FEM1B: variants seen among roughly 807,000 people sequenced by gnomAD.
The protein encoded by FEM1B is protein fem-1 homolog B.
In FEM1B, 10 loss-of-function variants were observed where a neutral mutation model predicts 38.6. That is an observed-to-expected ratio of 0.26 (90% CI 0.16 to 0.44). The LOEUF is 0.44. Ranked by LOEUF, FEM1B falls within the 20% of genes least tolerant of loss-of-function variation. FEM1B has a pLI of 1.00. For synonymous variants in FEM1B, 288 were observed against 288.0 expected, an observed-to-expected ratio of 1.00 and a Z score of 0.00; for missense variants, 471 against 786.7, an observed-to-expected ratio of 0.60 and a Z score of 4.80.
In FEM1B at chr15:68,291,836, T is replaced by TA. The variant is rs1892850773; in HGVS notation, c.*595dup. ...GAAAATGTGCTAATTTAATAATAGT[T>TA]ACAAATTTATAAATTTAAATCCATT... On this transcript the variant is annotated 3_prime_UTR_variant, in exon 2 of 2. Coordinates refer to ENST00000306917, the MANE Select transcript of FEM1B (RefSeq NM_015322.5). This position sits in a 1 kb window ranked among gnomAD's most constrained non-coding sequence, Gnocchi z 6.9. 6.6e-6 allele frequency: 1 copy of TA among 152,282 alleles called. No homozygotes were observed. The highest frequency in any genetic ancestry group is 1.5e-5 in the Non-Finnish European group (1 of 68,068). 9.4% of individuals were successfully genotyped at this position (152,282 alleles called of 1,614,324 possible). A position where few individuals can be genotyped will look rare whatever the true frequency, so the allele number is the denominator to read the frequency against.
Position 68,291,432 on chromosome 15 carries a change from A to G in FEM1B, c.*190A>G. The stretch of plus-strand genomic sequence containing the variant: ...TTGATTTCAGACAGACTTTAACAAA[A>G]CCACATTGTTTTGGTGTAACTATAA... On this transcript the variant is annotated 3_prime_UTR_variant, in exon 2 of 2. Coordinates refer to ENST00000306917, the MANE Select transcript of FEM1B (RefSeq NM_015322.5). This position sits in a 1 kb window ranked among gnomAD's most constrained non-coding sequence, Gnocchi z 6.9. 1.9e-6 allele frequency: 1 copy of G among 529,578 alleles called. No homozygotes were observed. The highest frequency in any genetic ancestry group is 3.1e-5 in the South Asian group (1 of 31,750). 32.8% of individuals were successfully genotyped at this position (529,578 alleles called of 1,614,324 possible). A position where few individuals can be genotyped will look rare whatever the true frequency, so the allele number is the denominator to read the frequency against.
chr15:68,283,502 TAAAAA>T (rs60432847), intron 1 of FEM1B, among the ~76,000 whole-genome samples: 6 of 71,966 alleles, frequency 8.3e-5, no homozygotes, highest in South Asian at 5.7e-4. Flanking sequence ...CATCTCTACC[TAAAAA>T]AAAAAAAAAA....
chr15:68,279,044 C>A (rs912891627), intron 1 of FEM1B, among the ~76,000 whole-genome samples: 9 of 152,110 alleles, frequency 5.9e-5, no homozygotes, highest in African/African-American at 2.2e-4. Flanking sequence ...AGGAGGTCAG[C>A]GGTTAACATT....
chr15:68,278,800 C>A lies in FEM1B; in HGVS notation c.248+135C>A, dbSNP rs561877693. On this transcript the variant is annotated intron_variant, in intron 1 of 1. Coordinates refer to ENST00000306917, the MANE Select transcript of FEM1B (RefSeq NM_015322.5). The surrounding 1 kb of genome is among the most constrained non-coding windows in gnomAD (Gnocchi z 5.7). ...TCCCCTTTTTGTACCACCTCCTGCC[C>A]CACTAATGCCCACTTCATCTTCCAG... 5.0e-5 allele frequency: 46 copies of A among 926,052 alleles called. No homozygotes were observed. The highest frequency in any genetic ancestry group is 7.3e-5 in the Non-Finnish European group (45 of 612,462). The allele number at this position is 926,052 out of a possible 1,614,324, so 57.4% of individuals were successfully genotyped here.
rs1287519729 is a variant in FEM1B, at chr15:68,278,954, G to C, written c.248+289G>C. ...TCGTCTTCTCTACTAGATAGTCTGT[G>C]AACAAGCCATTTGGAGGAGGTGGCT... On this transcript the variant is annotated intron_variant, in intron 1 of 1. Coordinates refer to ENST00000306917, the MANE Select transcript of FEM1B (RefSeq NM_015322.5). This position sits in a 1 kb window ranked among gnomAD's most constrained non-coding sequence, Gnocchi z 5.7. 1.3e-5 allele frequency among the ~76,000 whole-genome samples: 2 copies of C among 152,114 alleles called. No homozygotes were observed. Among genetic ancestry groups the C allele is most frequent in the African/African-American group, 4.8e-5 (2 of 41,390 alleles).
chr15:68,289,570 C>T lies in FEM1B; in HGVS notation c.249-37C>T, dbSNP rs1892824856. On this transcript the variant is annotated intron_variant, in intron 1 of 1. Coordinates refer to ENST00000306917, the MANE Select transcript of FEM1B (RefSeq NM_015322.5). This position sits in a 1 kb window ranked among gnomAD's most constrained non-coding sequence, Gnocchi z 6.9. ...CCCTTAAACATATGTTAGGCTGTGG[C>T]CTCTGTTATCTAACTGCTTATTCTT... 1 of 1,515,744 alleles carries T rather than the reference C, an allele frequency of 6.6e-7. No homozygotes were observed. Among genetic ancestry groups the T allele is most frequent in the Non-Finnish European group, 9.1e-7 (1 of 1,095,504 alleles). 93.9% of individuals were successfully genotyped at this position (1,515,744 alleles called of 1,614,324 possible). A position where few individuals can be genotyped will look rare whatever the true frequency, so the allele number is the denominator to read the frequency against.
Position 68,277,826 on chromosome 15 carries a change from T to C in FEM1B, c.-592T>C, listed in dbSNP as rs1892672902. ...GCCGCTCTTGCGGGAGCGTTCCGCA[T>C]CGCCCCGGGGGCCCCTACGCGAGGA... On this transcript the variant is annotated 5_prime_UTR_variant, in exon 1 of 2. Transcript: ENST00000306917. 1 of 152,296 alleles carries C rather than the reference T, an allele frequency of 6.6e-6. No homozygotes were observed. Among genetic ancestry groups the C allele is most frequent in the African/African-American group, 2.4e-5 (1 of 41,468 alleles). 9.4% of individuals were successfully genotyped at this position (152,296 alleles called of 1,614,324 possible). A position where few individuals can be genotyped will look rare whatever the true frequency, so the allele number is the denominator to read the frequency against.
At chr15:68,286,120 A>G (rs1361751836) in intron 1 of FEM1B, among the ~76,000 whole-genome samples, 1 of 151,948 alleles carries the variant, frequency 6.6e-6, no homozygotes, top group Non-Finnish European at 1.5e-5. Context: ...TTGTTGCTCC[A>G]TAACTATTTA....
Position 68,295,485 on chromosome 15 carries a change from G to A in FEM1B, c.*4243G>A, listed in dbSNP as rs1202200693. The A allele has an allele frequency of 6.6e-6, 1 of 152,178 alleles. No homozygotes were observed. Among genetic ancestry groups the A allele is most frequent in the African/African-American group, 2.4e-5 (1 of 41,426 alleles). The allele number at this position is 152,178 out of a possible 1,614,324, so 9.4% of individuals were successfully genotyped here. ...CTTTTCAAAGGTACACAGTTGGGGA[G>A]TAAAATCTGACTGGCCTAATCGATG... is the stretch of plus-strand genomic sequence containing the variant. On this transcript the variant is annotated 3_prime_UTR_variant, in exon 2 of 2. Transcript: ENST00000306917.
rs1045883425 is a variant in FEM1B, at chr15:68,289,795, A to G, written c.437A>G (p.Asn146Ser). The change falls in exon 2 of 2, where the codon AAC becomes AGC. Residue 146 changes from asparagine (N) to serine (S), a missense_variant. Physicochemically the swap from Asn to Ser is conservative, Grantham distance 46. Around this residue, in one of 3 missense-constraint regions of FEM1B, gnomAD observed 380 missense variants for 599.6 expected, o/e 0.63. Transcript: ENST00000306917. The surrounding 1 kb of genome is among the most constrained non-coding windows in gnomAD (Gnocchi z 6.9). Reference protein sequence around the residue: ...IVKYLVENNANISIANKYDNT... With the variant: ...IVKYLVENNASISIANKYDNT... The stretch of plus-strand genomic sequence containing the variant: ...AAATACTTGGTTGAAAATAATGCCA[A>G]CATCAGCATTGCCAACAAATATGAC... 1 of 1,614,118 alleles carries G rather than the reference A, an allele frequency of 6.2e-7. No individual in the cohort carries two copies. Among genetic ancestry groups the G allele is most frequent in the African/African-American group, 1.3e-5 (1 of 74,948 alleles).
rs1190184107 is a variant in FEM1B at position 68,294,368 on chromosome 15, T to C, written c.*3126T>C. ...GAAGGGTTTTATTTCATTATACTAA[T>C]AGTGGACTAATAATTGGTAATTGTG... On this transcript the variant is annotated 3_prime_UTR_variant, in exon 2 of 2. Coordinates refer to ENST00000306917, the MANE Select transcript of FEM1B (RefSeq NM_015322.5). This position sits in a 1 kb window ranked among gnomAD's most constrained non-coding sequence, Gnocchi z 4.4. The C allele has an allele frequency of 6.6e-6, 1 of 152,174 alleles. No homozygotes were observed. Among genetic ancestry groups the C allele is most frequent in the East Asian group, 1.9e-4 (1 of 5,202 alleles). The allele number at this position is 152,174 out of a possible 1,614,324, so 9.4% of individuals were successfully genotyped here.
rs917719524 is a variant in FEM1B, at chr15:68,280,105, G to A, written c.248+1440G>A. On this transcript the variant is annotated intron_variant, in intron 1 of 1. Transcript: ENST00000306917. This position sits in a 1 kb window ranked among gnomAD's most constrained non-coding sequence, Gnocchi z 4.2. Reference sequence around the variant, plus strand: ...ACTGCTGCTGAGGCAATGTGCATAAGGGAGAATAGTGGGGAGAAAAAAGAG... The same window carrying A: ...ACTGCTGCTGAGGCAATGTGCATAAAGGAGAATAGTGGGGAGAAAAAAGAG... 1 of 152,228 alleles carries A rather than the reference G, an allele frequency of 6.6e-6. No homozygotes were observed. Among genetic ancestry groups the A allele is most frequent in the Non-Finnish European group, 1.5e-5 (1 of 68,046 alleles). 9.4% of individuals were successfully genotyped at this position (152,228 alleles called of 1,614,324 possible). A position where few individuals can be genotyped will look rare whatever the true frequency, so the allele number is the denominator to read the frequency against.
At chr15:68,282,559 T>C (rs1382935740) in intron 1 of FEM1B, among the ~76,000 whole-genome samples, 1 of 152,180 alleles carries the variant, frequency 6.6e-6, no homozygotes, top group Non-Finnish European at 1.5e-5. Flanking sequence ...TTATCTCTTA[T>C]TGTGAAAAGT....
Position 68,289,254 on chromosome 15 carries a change from T to C in FEM1B, c.249-353T>C, listed in dbSNP as rs1039060072. 1 of 207,714 alleles carries C rather than the reference T, an allele frequency of 4.8e-6. No homozygotes were observed. 12.9% of individuals were successfully genotyped at this position (207,714 alleles called of 1,614,324 possible). ...GGGAAGGAGGAACATGCTGTTCTCC[T>C]AGTAACCAGTGAATCAACTTGGTGA... On this transcript the variant is annotated intron_variant, in intron 1 of 1. Transcript: ENST00000306917. The surrounding 1 kb of genome is among the most constrained non-coding windows in gnomAD (Gnocchi z 6.9).
At chr15:68,279,227 T>C (rs1165300360) in intron 1 of FEM1B, among the ~76,000 whole-genome samples, 1 of 152,196 alleles carries the variant, frequency 6.6e-6, no homozygotes, top group African/African-American at 2.4e-5. Context: ...AAGACATGAT[T>C]CTGATTCCTC....
In FEM1B at chr15:68,278,728, C is replaced by T; in HGVS notation, c.248+63C>T. 6.3e-7 allele frequency: 1 copy of T among 1,583,154 alleles called. No homozygotes were observed. Among genetic ancestry groups the T allele is most frequent in the Non-Finnish European group, 8.7e-7 (1 of 1,156,032 alleles). ...CGGACTCGTTAATTCACGGGCCCTCCCCTCCCTCACCCTCTCTTACCCTCT... is the reference window on the plus strand; with the variant it reads ...CGGACTCGTTAATTCACGGGCCCTCTCCTCCCTCACCCTCTCTTACCCTCT... On this transcript the variant is annotated intron_variant, in intron 1 of 1. Transcript: ENST00000306917. This position sits in a 1 kb window ranked among gnomAD's most constrained non-coding sequence, Gnocchi z 5.7.
intron 1 of FEM1B, among the ~76,000 whole-genome samples, chr15:68,286,263 C>T (rs1892784643): frequency 6.6e-6 from 1 of 151,062 alleles, no homozygotes; most frequent in African/African-American, 2.4e-5. Flanking sequence ...TGTCCCCGTG[C>T]CAGCACTTAT....
At chr15:68,283,421 T>A (rs562834979) in intron 1 of FEM1B, among the ~76,000 whole-genome samples, 1 of 148,880 alleles carries the variant, frequency 6.7e-6, no homozygotes, top group African/African-American at 2.5e-5. Context: ...CCCAGCACTT[T>A]GGGAGGCCTA....
At chr15:68,283,985 A>T (rs1036686693) in intron 1 of FEM1B, among the ~76,000 whole-genome samples, 1 of 151,456 alleles carries the variant, frequency 6.6e-6, no homozygotes, top group African/African-American at 2.4e-5. Context: ...TCCCAGGTTC[A>T]AGCAATTCTT....
Sources: gnomAD v4.1 joint callset for allele counts (sites outside exome capture counted in the v4.1 genomes callset) on GRCh38, gnomAD v4.1.1 for gene constraint, gnomAD v4.1.1 regional missense constraint, Gnocchi (gnomAD v3.1) non-coding constraint, MANE v1.5 for transcripts, NCBI Gene and HGNC (gene_info 2026-07-23, HGNC 2026-07-21) for gene names.